ROCK2: variants seen among roughly 807,000 people sequenced by gnomAD.
ROCK2 encodes Rho associated coiled-coil containing protein kinase 2.
Under a neutral mutation model 195.1 loss-of-function variants are expected in ROCK2, and 61 were observed. The ratio of observed to expected loss-of-function variants is 0.31; its 90% CI spans 0.25 to 0.39. The LOEUF is 0.39. ROCK2 is among the 10% of genes least tolerant of loss of function. The pLI is 1.00. For missense variants in ROCK2, 1,109 were observed against 1,637.4 expected (o/e 0.68, Z 5.57); for synonymous variants, 504 against 545.5 (o/e 0.92, Z 1.06).
At chr2:11,268,722 A>G (rs1334692058) in intron 3 of ROCK2, among the ~76,000 whole-genome samples, 1 of 151,992 alleles carries the variant, frequency 6.6e-6, no homozygotes, top group Non-Finnish European at 1.5e-5. Flanking sequence ...TCTCTTTGTA[A>G]TTTTCAAGTG....
At chr2:11,263,669 A>ACACC (rs772220139) in intron 3 of ROCK2, among the ~76,000 whole-genome samples, 1 of 149,882 alleles carries the variant, frequency 6.7e-6, no homozygotes, top group Non-Finnish European at 1.5e-5. Flanking sequence ...ACACACACAC[A>ACACC]CACAAAAAAA....
rs1173396575 is a variant in ROCK2, at chr2:11,287,639, G to A, written c.223+16C>T. On this transcript the variant is annotated intron_variant, in intron 2 of 32. Transcript: ENST00000315872. ...GTAGAGTTATAAGATCAAATATGAA[G>A]TTTAAACATACTTACATCTATTTAA... 5 of 834,340 alleles carry A rather than the reference G, an allele frequency of 6.0e-6. No individual in the cohort carries two copies. The highest frequency in any genetic ancestry group is 8.8e-6 in the Non-Finnish European group (5 of 567,900). The allele number at this position is 834,340 out of a possible 1,614,324, so 51.7% of individuals were successfully genotyped here.
intron 20 of ROCK2, among the ~76,000 whole-genome samples, chr2:11,204,734 T>C (rs1171272276): frequency 6.6e-6 from 1 of 152,230 alleles, no homozygotes; most frequent in African/African-American, 2.4e-5. Context: ...TTCTGGCTGT[T>C]CCTTTTACAT....
At chr2:11,321,092 C>T (rs1422649213) in intron 1 of ROCK2, among the ~76,000 whole-genome samples, 1 of 152,168 alleles carries the variant, frequency 6.6e-6, no homozygotes, top group Non-Finnish European at 1.5e-5. Flanking sequence ...ACTCAAAAGG[C>T]TTTTCCCTCA....
intron 20 of ROCK2, among the ~76,000 whole-genome samples, chr2:11,204,589 G>T (rs906145040): frequency 6.6e-6 from 1 of 151,870 alleles, no homozygotes; most frequent in East Asian, 1.9e-4. Context: ...AGTCCCTCTG[G>T]GCCTTACTTA....
rs369558993 is a variant in ROCK2, at chr2:11,303,436, T to C, written c.142-15700A>G. On this transcript the variant is annotated intron_variant, in intron 1 of 32. Transcript: ENST00000315872. Reference sequence around the variant, plus strand: ...CATTTTACTTTCTTTCCTGCTATTATGGATGTACAGTCCTAGCTACAGCTA... The same window carrying C: ...CATTTTACTTTCTTTCCTGCTATTACGGATGTACAGTCCTAGCTACAGCTA... 5.9e-5 allele frequency among the ~76,000 whole-genome samples: 9 copies of C among 152,318 alleles called. No homozygotes were observed. The East Asian group carries it at 7.7e-4, about 13-fold the overall frequency.
At chr2:11,303,777 T>C (rs965097429) in intron 1 of ROCK2, among the ~76,000 whole-genome samples, 18 of 152,160 alleles carry the variant, frequency 1.2e-4, no homozygotes, top group African/African-American at 4.3e-4. Context: ...CTAACAGCCA[T>C]CATCACACTC....
At chr2:11,232,773 A>G (rs976666582) in intron 5 of ROCK2, among the ~76,000 whole-genome samples, 5 of 152,232 alleles carry the variant, frequency 3.3e-5, no homozygotes, top group Admixed American at 1.3e-4. Context: ...AGCAATATCT[A>G]TGGAATCACT....
At chr2:11,245,972 CAAGTA>C (rs1665599016) in intron 4 of ROCK2, among the ~76,000 whole-genome samples, 3 of 152,224 alleles carry the variant, frequency 2.0e-5, no homozygotes, top group African/African-American at 7.2e-5. Context: ...AGTAACTTAA[CAAGTA>C]AACAGAGAAA....
At chr2:11,221,392 C>T (rs758750565) in intron 8 of ROCK2, 35 bp from the exon 9 acceptor site, 4 of 1,462,936 alleles carry the variant, frequency 2.7e-6, no homozygotes. Flanking sequence ...ATTTCATTCA[C>T]AACCAAAATA....
At chr2:11,209,929 C>T (rs1664191130) in intron 18 of ROCK2, among the ~76,000 whole-genome samples, 1 of 152,162 alleles carries the variant, frequency 6.6e-6, no homozygotes, top group Non-Finnish European at 1.5e-5. Context: ...AACAACGTAA[C>T]AATACTGTAA....
chr2:11,319,587 T>A (rs1246246727), intron 1 of ROCK2, among the ~76,000 whole-genome samples: 1 of 152,158 alleles, frequency 6.6e-6, no homozygotes, highest in African/African-American at 2.4e-5. Flanking sequence ...TTGAATACCC[T>A]TTATTTCTTT....
chr2:11,286,328 T>C (rs1667188779), intron 3 of ROCK2, among the ~76,000 whole-genome samples: 1 of 150,828 alleles, frequency 6.6e-6, no homozygotes, highest in Non-Finnish European at 1.5e-5. Flanking sequence ...GAAGCTATAT[T>C]GGCCTTATTT....
chr2:11,194,264 TA>T lies in ROCK2; in HGVS notation c.3599del (p.Leu1200Ter). On this transcript the variant is annotated frameshift_variant, in exon 29 of 33. Coordinates refer to ENST00000315872, the MANE Select transcript of ROCK2 (RefSeq NM_004850.5). LOFTEE classifies it high-confidence loss of function. ...DKEQSNPYMV[L>X]DIDKLFHVRP... is the part of the protein sequence containing the mutation. ...CTAACAAAAACACTTACTCTATATC[TA>T]AAACCATGTAAGGATTGGATTGTTC... 1.4e-6 allele frequency: 2 copies of T among 1,380,988 alleles called. No individual in the cohort carries two copies. Among genetic ancestry groups the T allele is most frequent in the Non-Finnish European group, 2.0e-6 (2 of 1,011,732 alleles). The allele number at this position is 1,380,988 out of a possible 1,614,324, so 85.5% of individuals were successfully genotyped here. A position where few individuals can be genotyped will look rare whatever the true frequency, so the allele number is the denominator to read the frequency against.
intron 3 of ROCK2, among the ~76,000 whole-genome samples, chr2:11,285,666 A>C (rs1292859160): frequency 1.3e-5 from 2 of 152,038 alleles, no homozygotes; most frequent in Admixed American, 6.5e-5. Context: ...ATCTCTACAT[A>C]AAATACAAAA....
At chr2:11,199,632 C>T (rs745926262) in intron 23 of ROCK2, among the ~76,000 whole-genome samples, 2 of 151,954 alleles carry the variant, frequency 1.3e-5, no homozygotes, top group African/African-American at 2.4e-5. Context: ...TGCCAGGCTG[C>T]GATTTTCTAT....
chr2:11,204,083 C>T lies in ROCK2; in HGVS notation c.2550-1962G>A, dbSNP rs781201196. Among the ~76,000 whole-genome samples, 3 of 152,092 alleles carry T rather than the reference C, an allele frequency of 2.0e-5. No homozygotes were observed. The South Asian group carries it at 6.2e-4, about 32-fold the overall frequency. On this transcript the variant is annotated intron_variant, in intron 20 of 32. Transcript: ENST00000315872. ...AGAAATTACAATGAGAAGTAGAAGT[C>T]TCCTCATTTGACACCTCTCCACCCC... is the stretch of plus-strand genomic sequence containing the variant.
intron 29 of ROCK2, 53 bp from the exon 30 acceptor site, chr2:11,193,910 A>T: frequency 1.0e-6 from 1 of 974,308 alleles, no homozygotes; most frequent in South Asian, 1.4e-5. Context: ...ATCAAATTAT[A>T]TATTAATTAT....
chr2:11,302,321 T>G (rs1667731684), intron 1 of ROCK2, among the ~76,000 whole-genome samples: 1 of 151,960 alleles, frequency 6.6e-6, no homozygotes, highest in Admixed American at 6.6e-5. Flanking sequence ...TTTTTGTTGT[T>G]GTTTTTTTTT....
Sources: gnomAD v4.1 joint callset for allele counts (sites outside exome capture counted in the v4.1 genomes callset) on GRCh38, gnomAD v4.1.1 for gene constraint, MANE v1.5 for transcripts, NCBI Gene and HGNC (gene_info 2026-07-23, HGNC 2026-07-21) for gene names.